The following RPTOR variants were observed in gnomAD, a reference collection of about 807,000 sequenced individuals.
RPTOR encodes regulatory associated protein of MTOR complex 1, also known as regulatory-associated protein of mTOR.
Under a neutral mutation model 169.9 loss-of-function variants are expected in RPTOR, and 21 were observed. The observed-to-expected ratio is 0.12, with a 90% CI of 0.09 to 0.18. The LOEUF (loss-of-function observed/expected upper bound fraction) is 0.18, where lower values mean the gene tolerates loss of function less well. Ranked by LOEUF, RPTOR falls within the 10% of genes least tolerant of loss-of-function variation. The probability of loss-of-function intolerance (pLI) is 1.00; values close to 1 mark genes in which losing one functional copy is unlikely to be tolerated. For missense variants in RPTOR, 1,133 were observed against 1,855.9 expected (o/e 0.61, Z 7.16); for synonymous variants, 732 against 753.2 (o/e 0.97, Z 0.46).
In RPTOR at chr17:80,845,768, CCT is replaced by C. The variant is rs771972881; in HGVS notation, c.1213-704_1213-703del. ...CCTTTGCAACCAAAACCAAATTCAC[CCT>C]GTCTCGAAACCCCTCTGGCTGCGCT... On this transcript the variant is annotated intron_variant, in intron 10 of 33. Coordinates refer to ENST00000306801, the MANE Select transcript of RPTOR (RefSeq NM_020761.3). The surrounding 1 kb of genome is among the most constrained non-coding windows in gnomAD (Gnocchi z 5.4). Among the ~76,000 whole-genome samples the C allele has an allele frequency of 1.3e-4, 20 of 152,346 alleles. No individual in the cohort carries two copies. Among genetic ancestry groups the C allele is most frequent in the Non-Finnish European group, 2.4e-4 (16 of 68,034 alleles).
chr17:80,667,976 C>T (rs1208139585), intron 3 of RPTOR, among the ~76,000 whole-genome samples: 1 of 152,196 alleles, frequency 6.6e-6, no homozygotes, highest in Non-Finnish European at 1.5e-5. Context: ...GCAGAACGAC[C>T]TTCAGATGGG....
intron 25 of RPTOR, among the ~76,000 whole-genome samples, chr17:80,945,064 C>T (rs1035526851): frequency 7.3e-5 from 11 of 151,558 alleles, no homozygotes; most frequent in Admixed American, 4.6e-4. Flanking sequence ...GAGGCCGAGG[C>T]GGGAGGATCG....
Position 80,885,038 on chromosome 17 carries a change from A to G in RPTOR, c.1873A>G (p.Thr625Ala). The change falls in exon 17 of 34, where the codon ACG (threonine) becomes GCG (alanine). Residue 625 changes from threonine (T) to alanine (A), a missense_variant. Physicochemically the swap from Thr to Ala is moderately conservative, Grantham distance 58. Coordinates refer to ENST00000306801, the MANE Select transcript of RPTOR (RefSeq NM_020761.3). ...CTGCGCAGCGGTCTTCGCCCTTGGC[A>G]CGTTCGTGGGCAACTCTGCAGAGAG... ...VRCAAVFALG[T>A]FVGNSAERTD... 1 of 1,609,618 alleles carries G rather than the reference A, an allele frequency of 6.2e-7. No individual in the cohort carries two copies. Among genetic ancestry groups the G allele is most frequent in the Non-Finnish European group, 8.5e-7 (1 of 1,178,754 alleles).
chr17:80,740,341 A>T (rs913176774), intron 5 of RPTOR, among the ~76,000 whole-genome samples: 2 of 152,224 alleles, frequency 1.3e-5, no homozygotes, highest in African/African-American at 4.8e-5. Flanking sequence ...CAAATATTTA[A>T]AAAGAAGAAG....
chr17:80,657,942 G>T (rs566668547), intron 3 of RPTOR, among the ~76,000 whole-genome samples: 22 of 152,070 alleles, frequency 1.4e-4, no homozygotes, highest in African/African-American at 4.8e-4. Context: ...TTCTATTAGT[G>T]ATGTATCAGA....
chr17:80,656,072 T>A (rs995180161), intron 3 of RPTOR, among the ~76,000 whole-genome samples: 14 of 152,112 alleles, frequency 9.2e-5, no homozygotes, highest in Non-Finnish European at 1.8e-4. Context: ...TGGGTCAAAA[T>A]ACATTTTTTT....
Position 80,562,908 on chromosome 17 carries a change from A to G in RPTOR, c.162+17117A>G, listed in dbSNP as rs2084518621. On this transcript the variant is annotated intron_variant, in intron 1 of 33. Coordinates refer to ENST00000306801, the MANE Select transcript of RPTOR (RefSeq NM_020761.3). The surrounding 1 kb of genome is among the most constrained non-coding windows in gnomAD (Gnocchi z 4.4). ...TCTGTAAGTCCTTGCTGAGGTCCAG[A>G]TTTAGTTTTCAGCTAGGTGTGACCG... is the stretch of plus-strand genomic sequence containing the variant. 6.6e-6 allele frequency among the ~76,000 whole-genome samples: 1 copy of G among 152,198 alleles called. No homozygotes were observed. The highest frequency in any genetic ancestry group is 2.4e-5 in the African/African-American group (1 of 41,446).
intron 13 of RPTOR, among the ~76,000 whole-genome samples, chr17:80,859,803 G>A (rs1024944561): frequency 2.6e-5 from 4 of 152,224 alleles, no homozygotes; most frequent in African/African-American, 9.6e-5. Flanking sequence ...CATATGCAAA[G>A]TCTCTTAATT....
intron 3 of RPTOR, among the ~76,000 whole-genome samples, chr17:80,653,415 A>G (rs2065655682): frequency 6.6e-6 from 1 of 152,222 alleles, no homozygotes; most frequent in African/African-American, 2.4e-5. Flanking sequence ...ACTATTGACT[A>G]TACTGATCAT....
At chr17:80,587,052 C>T (rs914135056) in intron 1 of RPTOR, among the ~76,000 whole-genome samples, 5 of 152,246 alleles carry the variant, frequency 3.3e-5, no homozygotes, top group African/African-American at 9.6e-5. Context: ...TACAGAAGGA[C>T]GCGCAGCCAA....
rs1281555793 is a variant in RPTOR at position 80,730,413 on chromosome 17, G to GT, written c.508-141dup. The GT allele has an allele frequency of 1.3e-5, 11 of 845,992 alleles. No homozygotes were observed. The highest frequency in any genetic ancestry group is 2.7e-5 in the East Asian group (1 of 37,314). 52.4% of individuals were successfully genotyped at this position (845,992 alleles called of 1,614,324 possible). On this transcript the variant is annotated intron_variant, in intron 4 of 33. Transcript: ENST00000306801. This position sits in a 1 kb window ranked among gnomAD's most constrained non-coding sequence, Gnocchi z 4.2. Reference sequence around the variant, plus strand: ...AGCCATTGCGCCTGGCCAGTTTGCTGTTTTTTATAGTTTTGTATAAAGGCT... The same window carrying GT: ...AGCCATTGCGCCTGGCCAGTTTGCTGTTTTTTTATAGTTTTGTATAAAGGCT...
intron 7 of RPTOR, among the ~76,000 whole-genome samples, chr17:80,808,314 G>A (rs989918011): frequency 4.6e-5 from 7 of 151,948 alleles, no homozygotes; most frequent in African/African-American, 1.5e-4. Context: ...AGTCCCAGCT[G>A]CTTGGGAGGC....
intron 6 of RPTOR, among the ~76,000 whole-genome samples, chr17:80,775,483 G>A (rs1224632300): frequency 6.6e-6 from 1 of 152,194 alleles, no homozygotes; most frequent in East Asian, 1.9e-4. Flanking sequence ...TCAGGGGGTA[G>A]CTGAGAATGT....
rs185435520 is a variant in RPTOR at position 80,878,563 on chromosome 17, G to A, written c.1510-1852G>A. 9.3e-4 allele frequency among the ~76,000 whole-genome samples: 141 copies of A among 152,118 alleles called. No individual in the cohort carries two copies. The highest frequency in any genetic ancestry group is 2.9e-3 in the African/African-American group (119 of 41,484). On this transcript the variant is annotated intron_variant, in intron 13 of 33. Transcript: ENST00000306801. This position sits in a 1 kb window ranked among gnomAD's most constrained non-coding sequence, Gnocchi z 4.1. ...GGATTTCACCATATTGGCCAGGCTG[G>A]TCTCGAACTCCTGACCTTGTGACCC... is the stretch of plus-strand genomic sequence containing the variant.
chr17:80,768,801 T>C (rs2066813734), intron 6 of RPTOR, among the ~76,000 whole-genome samples: 1 of 152,196 alleles, frequency 6.6e-6, no homozygotes, highest in African/African-American at 2.4e-5. Context: ...GCAGTTTGGC[T>C]TCTTGTTTGA....
intron 3 of RPTOR, among the ~76,000 whole-genome samples, chr17:80,673,375 A>C (rs898090581): frequency 1.3e-5 from 2 of 152,158 alleles, no homozygotes; most frequent in Non-Finnish European, 2.9e-5. Context: ...CCCTTGTTGG[A>C]TGCTTGTTTT....
intron 6 of RPTOR, among the ~76,000 whole-genome samples, chr17:80,790,339 T>C (rs904006926): frequency 6.6e-6 from 1 of 152,230 alleles, no homozygotes; most frequent in African/African-American, 2.4e-5. Context: ...GAGCCAGGTA[T>C]CACTTCTTGA....
chr17:80,954,174 G>A (rs559216870), intron 28 of RPTOR, among the ~76,000 whole-genome samples: 21 of 151,638 alleles, frequency 1.4e-4, no homozygotes, highest in Non-Finnish European at 1.6e-4. Flanking sequence ...CCAGGCTGGC[G>A]TACAATGGCG....
chr17:80,742,539 T>C (rs1490858718), intron 5 of RPTOR, among the ~76,000 whole-genome samples: 1 of 151,500 alleles, frequency 6.6e-6, no homozygotes, highest in Non-Finnish European at 1.5e-5. Context: ...CATGTACACG[T>C]ATACTCACCT....
Sources: allele counts gnomAD v4.1 joint callset (sites outside exome capture counted in the v4.1 genomes callset), GRCh38; gene constraint gnomAD v4.1.1; non-coding constraint Gnocchi (gnomAD v3.1); transcripts MANE v1.5; gene names NCBI Gene and HGNC (gene_info 2026-07-23, HGNC 2026-07-21).